Variants in CYP2A6 observed in about 807,000 individuals in gnomAD.
CYP2A6 encodes the protein cytochrome P450 family 2 subfamily A member 6, also known as cytochrome P450 2A6.
A neutral mutation model predicts 42.3 loss-of-function variants in CYP2A6; 27 were observed. That is an observed-to-expected ratio of 0.64 (90% CI 0.47 to 0.88). The LOEUF is 0.88. Ranked by LOEUF, CYP2A6 falls within the 40% of genes least tolerant of loss-of-function variation. CYP2A6 has a pLI of 0.00. For missense variants in CYP2A6, 628 were observed against 646.0 expected (o/e 0.97, Z 0.30); for synonymous variants, 238 against 246.3 (o/e 0.97, Z 0.31).
At chr19:40,844,813 G>A (rs543693586) in intron 7 of CYP2A6, 41 bp from the exon 8 acceptor site, 2 of 1,585,726 alleles carry the variant, frequency 1.3e-6, no homozygotes, top group South Asian at 2.3e-5. Context: ...AGGAGGGTCG[G>A]GGGATTGGTG....
chr19:40,846,020 G>A lies in CYP2A6; in HGVS notation c.909C>T (p.Thr303=), dbSNP rs143846985. The A allele has an allele frequency of 9.9e-6, 16 of 1,611,370 alleles. No individual in the cohort carries two copies. In the Admixed American group the frequency reaches 1.0e-4, roughly 10 times the overall value. The change falls in exon 6 of 9, where the codon ACC becomes ACT. Residue 303 remains threonine (T), a synonymous_variant. Transcript: ENST00000301141. ...MTTLNLFIGG[T]ETVSTTLRYG... The stretch of plus-strand genomic sequence containing the variant: ...AGCGCAGGGTGGTGCTGACGGTCTC[G>A]GTGCCCCCAATGAAGAGGTTCAACG...
intron 4 of CYP2A6, 124 bp from the exon 5 acceptor site, chr19:40,847,175 G>C (rs1967116484): frequency 3.5e-6 from 5 of 1,414,480 alleles, no homozygotes; most frequent in Non-Finnish European, 4.7e-6. Context: ...CGTTGTTTAG[G>C]TATTTCAGTG....
At chr19:40,847,161 G>T (rs1462107388) in intron 4 of CYP2A6, 110 bp from the exon 5 acceptor site, 3 of 1,472,562 alleles carry the variant, frequency 2.0e-6, no homozygotes, top group Admixed American at 4.6e-5. Context: ...AAAGGCATCT[G>T]TCTCGTTGTT....
rs1231512579 is a variant in CYP2A6 at position 40,848,830 on chromosome 19, A to C, written c.344-67T>G. On this transcript the variant is annotated intron_variant, in intron 2 of 8. Transcript: ENST00000301141. ...GCAGGGGCAGGAGCGGAGCAGCTCC[A>C]AGGGGCTCCCCAAGGGTGGAGGAGA... 7 of 1,540,050 alleles carry C rather than the reference A, an allele frequency of 4.5e-6. 1 individual carries two copies. In the Admixed American group the frequency reaches 1.3e-4, roughly 29 times the overall value.
At chr19:40,845,518 G>A (rs751916724) in intron 6 of CYP2A6, 37 bp from the exon 7 acceptor site, 21 of 1,607,054 alleles carry the variant, frequency 1.3e-5, no homozygotes, top group Middle Eastern at 1.7e-4. Context: ...GGTATCTAGG[G>A]GTCTCAGAGC....
chr19:40,847,760 A>G (rs1185040491), intron 4 of CYP2A6, among the ~76,000 whole-genome samples: 2 of 151,736 alleles, frequency 1.3e-5, no homozygotes, highest in Non-Finnish European at 2.9e-5. Flanking sequence ...CAGATATTCC[A>G]GTGGGCTAAT....
At chr19:40,850,171 T>C in intron 1 of CYP2A6, 76 bp downstream of exon 1, 1 of 1,565,916 alleles carries the variant, frequency 6.4e-7, no homozygotes, top group Non-Finnish European at 8.7e-7. Context: ...TCCACACTGG[T>C]CAACCCCCTG....
chr19:40,844,710 G>A lies in CYP2A6; in HGVS notation c.1224C>T (p.Pro408=), dbSNP rs28399462. 46,524 of 1,611,370 alleles carry A rather than the reference G, an allele frequency of 0.029. 1,825 individuals are homozygous for A. Among genetic ancestry groups the A allele is most frequent in the African/African-American group, 0.15 (11,140 of 74,600 alleles). The change falls in exon 8 of 9, where the codon CCC becomes CCT. Residue 408 remains proline (P), a synonymous_variant. Transcript: ENST00000301141. ...GGAAGTGCTGGGGATTGAAGTCCTGGGGGTTGGAGAAGAAACTGGGGTCTC... is the reference window on the plus strand; with the variant it reads ...GGAAGTGCTGGGGATTGAAGTCCTGAGGGTTGGAGAAGAAACTGGGGTCTC... The part of the protein sequence containing the change: ...VLRDPSFFSN[P]QDFNPQHFLN...
In CYP2A6 at chr19:40,843,759, G is replaced by T; in HGVS notation, c.*37C>A. On this transcript the variant is annotated 3_prime_UTR_variant, in exon 9 of 9. Transcript: ENST00000301141. ...CGGTCTTGGCCCTGCCCTTTCCCTG[G>T]CCCCGCCCACCAGACCTGCACCGGC... is the stretch of plus-strand genomic sequence containing the variant. 2 of 1,504,252 alleles carry T rather than the reference G, an allele frequency of 1.3e-6. No homozygotes were observed. The highest frequency in any genetic ancestry group is 1.8e-6 in the Non-Finnish European group (2 of 1,120,712). 93.2% of individuals were successfully genotyped at this position (1,504,252 alleles called of 1,614,324 possible). A position where few individuals can be genotyped will look rare whatever the true frequency, so the allele number is the denominator to read the frequency against.
At position 40,845,432 on chromosome 19, in the gene CYP2A6, G is replaced by A; in HGVS notation, c.1023C>T (p.Pro341=). ...IDRVIGKNRQ[P]KFEDRAKMPY... ...GCATCTTGGCCCGGTCCTCAAACTT[G>A]GGCTGCCGGTTCTTGCCGATCACTC... The change falls in exon 7 of 9, where the codon CCC becomes CCT. Residue 341 remains proline, a synonymous_variant. Transcript: ENST00000301141. 6.2e-7 allele frequency: 1 copy of A among 1,611,784 alleles called. No homozygotes were observed. The highest frequency in any genetic ancestry group is 8.5e-7 in the Non-Finnish European group (1 of 1,179,908).
chr19:40,845,231 A>T (rs1325726327), intron 7 of CYP2A6, 63 bp downstream of exon 7: 14 of 1,600,694 alleles, frequency 8.7e-6, no homozygotes, highest in Non-Finnish European at 1.1e-5. Context: ...TGTGGGTGGG[A>T]TGCTGGGGAC....
At position 40,845,381 on chromosome 19, in the gene CYP2A6, C is replaced by A. The variant is rs754083708; in HGVS notation, c.1074G>T (p.Glu358Asp). Residue 358 changes from glutamate to aspartate, a missense_variant, in exon 7 of 9, where the codon GAG becomes GAT. By Grantham distance (45) the Glu-to-Asp change is conservative (BLOSUM62 2). Coordinates refer to ENST00000301141, the MANE Select transcript of CYP2A6 (RefSeq NM_000762.6). ...KMPYMEAVIHEIQRFGDVIPM... is the reference protein window; with the variant it reads ...KMPYMEAVIHDIQRFGDVIPM... The stretch of plus-strand genomic sequence containing the variant: ...GGATCACGTCTCCAAATCTTTGGAT[C>A]TCGTGGATCACTGCCTCCATGTAGG... 1 of 1,611,720 alleles carries A rather than the reference C, an allele frequency of 6.2e-7. No homozygotes were observed. The highest frequency in any genetic ancestry group is 8.5e-7 in the Non-Finnish European group (1 of 1,179,898).
intron 1 of CYP2A6, 78 bp downstream of exon 1, chr19:40,850,169 G>C: frequency 6.4e-7 from 1 of 1,563,978 alleles, no homozygotes; most frequent in Non-Finnish European, 8.7e-7. Context: ...GGTCCACACT[G>C]GTCAACCCCC....
chr19:40,849,933 C>T lies in CYP2A6; in HGVS notation c.228G>A (p.Arg76=). 1 of 1,611,566 alleles carries T rather than the reference C, an allele frequency of 6.2e-7. No individual in the cohort carries two copies. The highest frequency in any genetic ancestry group is 8.5e-7 in the Non-Finnish European group (1 of 1,179,720). ...CATGTCCACACAGCACCACGACCCG[C>T]CGGGGCCCCAAGTGAATGGTGAACA... ...GPVFTIHLGP[R]RVVVLCGHDA... is the part of the protein sequence containing the mutation. Residue 76 remains arginine (R), a synonymous_variant, in exon 2 of 9, where the codon CGG becomes CGA. Transcript: ENST00000301141.
rs1044327354 is a variant in CYP2A6, at chr19:40,846,106, A to G, written c.832-9T>C. ...TTGGGGTTCTTCTCCTCCTGCAGGGAGAGGGGGCTTTAGGCCAACCTCACT... is the reference window on the plus strand; with the variant it reads ...TTGGGGTTCTTCTCCTCCTGCAGGGGGAGGGGGCTTTAGGCCAACCTCACT... On this transcript the variant is annotated splice_polypyrimidine_tract_variant and intron_variant, in intron 5 of 8. Transcript: ENST00000301141. 2 of 1,610,948 alleles carry G rather than the reference A, an allele frequency of 1.2e-6. No homozygotes were observed. The highest frequency in any genetic ancestry group is 1.7e-6 in the Non-Finnish European group (2 of 1,179,684).
chr19:40,848,472 C>T, intron 3 of CYP2A6, 93 bp from the exon 4 acceptor site: 13 of 1,587,720 alleles, frequency 8.2e-6, no homozygotes, highest in Non-Finnish European at 1.1e-5. Flanking sequence ...CTTGTTGAGC[C>T]AAATTCCCAG....
rs1428348712 is a variant in CYP2A6, at chr19:40,848,707, T to G, written c.400A>C (p.Thr134Pro). Residue 134 changes from threonine (T) to proline (P), a missense_variant, in exon 3 of 9, where the codon ACC becomes CCC. By Grantham distance (38) the Thr-to-Pro change is conservative. Around this residue, in one of 2 missense-constraint regions of CYP2A6, gnomAD observed 606 missense variants for 568.1 expected, o/e 1.07. Transcript: ENST00000301141. ...AKQLRRFSIA[T>P]LRDFGVGKRG... is the part of the protein sequence containing the mutation. ...TTGCCCACCCCGAAGTCCCGCAGGG[T>G]GGCGATGGAGAAGCGCCGGAGCTGC... The G allele has an allele frequency of 6.2e-7, 1 of 1,611,798 alleles. No homozygotes were observed.
chr19:40,843,735 G>T lies in CYP2A6; in HGVS notation c.*61C>A. 1 of 1,367,056 alleles carries T rather than the reference G, an allele frequency of 7.3e-7. No homozygotes were observed. The highest frequency in any genetic ancestry group is 9.8e-7 in the Non-Finnish European group (1 of 1,022,692). 84.7% of individuals were successfully genotyped at this position (1,367,056 alleles called of 1,614,324 possible). On this transcript the variant is annotated 3_prime_UTR_variant, in exon 9 of 9. Transcript: ENST00000301141. ...TTAGCTGCGCCCCTCTCCCAAGCCC[G>T]GTCTTGGCCCTGCCCTTTCCCTGGC...
chr19:40,846,410 T>C (rs1198714076), intron 5 of CYP2A6, among the ~76,000 whole-genome samples: 1 of 150,988 alleles, frequency 6.6e-6, no homozygotes, highest in Non-Finnish European at 1.5e-5. Context: ...GGACTCCAAC[T>C]CCTGAGCTCA....
Sources: allele counts gnomAD v4.1 joint callset (sites outside exome capture counted in the v4.1 genomes callset), GRCh38; gene constraint gnomAD v4.1.1; regional missense constraint gnomAD v4.1.1; transcripts MANE v1.5; gene names NCBI Gene and HGNC (gene_info 2026-07-23, HGNC 2026-07-21).